TANC2: variants seen among roughly 807,000 people sequenced by gnomAD.
TANC2 encodes tetratricopeptide repeat, ankyrin repeat and coiled-coil containing 2, also known as protein TANC2.
Under a neutral mutation model 210.5 loss-of-function variants are expected in TANC2, and 26 were observed. The observed-to-expected ratio is 0.12, with a 90% CI of 0.09 to 0.17. The LOEUF (loss-of-function observed/expected upper bound fraction) is 0.17, where lower values mean the gene tolerates loss of function less well. Ranked by LOEUF, TANC2 falls within the 10% of genes least tolerant of loss-of-function variation. TANC2 has a pLI of 1.00. For synonymous variants in TANC2, 931 were observed against 967.1 expected (o/e 0.96, Z 0.69); for missense variants, 2,129 against 2,608.9 (o/e 0.82, Z 4.01).
chr17:63,060,409 T>G (rs1172284565), intron 2 of TANC2, among the ~76,000 whole-genome samples: 1 of 152,044 alleles, frequency 6.6e-6, no homozygotes, highest in Non-Finnish European at 1.5e-5. Context: ...TCACCTGAGG[T>G]CAGGAGTTCG....
At chr17:63,179,253 G>A (rs1000288848) in intron 5 of TANC2, among the ~76,000 whole-genome samples, 1 of 152,100 alleles carries the variant, frequency 6.6e-6, no homozygotes, top group African/African-American at 2.4e-5. Flanking sequence ...ATATTAAGTA[G>A]CTATTTAGAC....
At chr17:63,116,053 G>A (rs1447932830) in intron 4 of TANC2, among the ~76,000 whole-genome samples, 1 of 152,114 alleles carries the variant, frequency 6.6e-6, no homozygotes, top group Admixed American at 6.5e-5. Context: ...TGGCAGTGTT[G>A]CCCATGTAAG....
intron 9 of TANC2, among the ~76,000 whole-genome samples, chr17:63,269,308 G>T (rs2043625095): frequency 6.6e-6 from 1 of 152,042 alleles, no homozygotes; most frequent in Non-Finnish European, 1.5e-5. Context: ...ATGCAACTGT[G>T]TGTTTACAGT....
chr17:63,409,054 A>G (rs928170486), intron 21 of TANC2, among the ~76,000 whole-genome samples: 1 of 152,214 alleles, frequency 6.6e-6, no homozygotes, highest in African/African-American at 2.4e-5. Flanking sequence ...TTGAAGGGAA[A>G]CAGATCCAGA....
intron 5 of TANC2, among the ~76,000 whole-genome samples, chr17:63,169,816 AAAT>A (rs759782173): frequency 7.9e-5 from 12 of 151,536 alleles, no homozygotes; most frequent in African/African-American, 1.9e-4. Flanking sequence ...CCATCTCAAA[AAAT>A]AATAATAATA....
At chr17:63,005,170 A>G (rs1244333855) in intron 1 of TANC2, 2 of 152,252 alleles carry the variant, frequency 1.3e-5, no homozygotes, top group African/African-American at 4.8e-5. Flanking sequence ...TAAAAAATGC[A>G]TTATCTCTTT....
intron 2 of TANC2, among the ~76,000 whole-genome samples, chr17:63,044,640 A>G (rs1226788946): frequency 2.6e-5 from 4 of 152,160 alleles, no homozygotes; most frequent in East Asian, 1.9e-4. Context: ...GGTTATTTGC[A>G]TTATCACTTT....
At chr17:63,374,111 A>T (rs951083020) in intron 14 of TANC2, among the ~76,000 whole-genome samples, 5 of 141,272 alleles carry the variant, frequency 3.5e-5, no homozygotes, top group African/African-American at 1.4e-4. Context: ...ATCATAGCAC[A>T]CTGCAGCCTC....
chr17:63,395,790 A>T (rs1193604205), exon 18 of TANC2: 1 of 1,613,550 alleles, frequency 6.2e-7, no homozygotes, highest in South Asian at 1.1e-5. Flanking sequence ...TTCATGCTGC[A>T]CTCCGAGGTC....
intron 11 of TANC2, among the ~76,000 whole-genome samples, chr17:63,338,123 G>A (rs1373644854): frequency 6.6e-6 from 1 of 152,128 alleles, no homozygotes; most frequent in Non-Finnish European, 1.5e-5. Context: ...GTATTTCTTT[G>A]GATTTATACC....
At chr17:63,097,774 G>A (rs2037444375) in intron 3 of TANC2, among the ~76,000 whole-genome samples, 1 of 151,944 alleles carries the variant, frequency 6.6e-6, no homozygotes, top group Non-Finnish European at 1.5e-5. Context: ...AGTATCCTTT[G>A]TTGCATACAG....
At chr17:62,967,621 CA>C in intron 1 of TANC2, 1 of 152,228 alleles carries the variant, frequency 6.6e-6, no homozygotes, top group Non-Finnish European at 1.5e-5. Context: ...GATCATTAGG[CA>C]AAGGGAAGTA....
At chr17:63,076,544 G>A (rs1242887335) in intron 3 of TANC2, among the ~76,000 whole-genome samples, 1 of 152,130 alleles carries the variant, frequency 6.6e-6, no homozygotes, top group Admixed American at 6.6e-5. Flanking sequence ...CAGCTTTTCA[G>A]TCCCCTGCCC....
chr17:63,277,648 A>C (rs1474182538), intron 9 of TANC2, among the ~76,000 whole-genome samples: 2 of 152,070 alleles, frequency 1.3e-5, no homozygotes, highest in African/African-American at 4.8e-5. Flanking sequence ...GATACTTAAG[A>C]AAAGCTAAAA....
chr17:63,372,082 G>C (rs1295070852), intron 14 of TANC2, among the ~76,000 whole-genome samples: 1 of 152,166 alleles, frequency 6.6e-6, no homozygotes, highest in Non-Finnish European at 1.5e-5. Context: ...CCTCAACTGT[G>C]ACCTGTGATC....
At chr17:63,425,889 A>G (rs1305326408) in exon 28 of TANC2, 1 of 152,296 alleles carries the variant, frequency 6.6e-6, no homozygotes, top group Non-Finnish European at 1.5e-5. Flanking sequence ...AGTTCCTCTC[A>G]GCCTCCAGCT....
intron 9 of TANC2, among the ~76,000 whole-genome samples, chr17:63,284,157 T>C (rs1442252455): frequency 6.6e-6 from 1 of 152,008 alleles, no homozygotes; most frequent in African/African-American, 2.4e-5. Flanking sequence ...ATACTTTTTT[T>C]TCAATCAGGA....
At chr17:63,357,416 G>C (rs550068161) in intron 14 of TANC2, among the ~76,000 whole-genome samples, 20 of 152,322 alleles carry the variant, frequency 1.3e-4, no homozygotes, top group African/African-American at 4.1e-4. Flanking sequence ...GAGTTTTGCA[G>C]CAACCGACTG....
At chr17:63,276,062 T>C (rs550836456) in intron 9 of TANC2, among the ~76,000 whole-genome samples, 1 of 152,116 alleles carries the variant, frequency 6.6e-6, no homozygotes, top group South Asian at 2.1e-4. Flanking sequence ...GATAAGACTT[T>C]GCAAAAAAAT....
Sources: allele counts gnomAD v4.1 joint callset (sites outside exome capture counted in the v4.1 genomes callset), GRCh38; gene constraint gnomAD v4.1.1; transcripts MANE v1.5; gene names NCBI Gene and HGNC (gene_info 2026-07-23, HGNC 2026-07-21).